The following RAB38 variants were observed in gnomAD, a reference collection of about 807,000 sequenced individuals.
The protein encoded by RAB38 is RAB38, member RAS oncogene family, also known as ras-related protein Rab-38.
Under a neutral mutation model 18.4 loss-of-function variants are expected in RAB38, and 15 were observed. The ratio of observed to expected loss-of-function variants is 0.82; its 90% CI spans 0.55 to 1.26. The LOEUF (loss-of-function observed/expected upper bound fraction) is 1.26, where lower values mean the gene tolerates loss of function less well. Among genes scored for constraint, RAB38 ranks in the 50% most tolerant of loss-of-function variants. The pLI is 0.00. For synonymous variants in RAB38, 101 were observed against 104.4 expected (o/e 0.97, Z 0.20); for missense variants, 294 against 267.4 (o/e 1.10, Z -0.69).
chr11:88,041,695 G>T, the RAB38 span, among the ~76,000 whole-genome samples: 2 of 152,188 alleles, frequency 1.3e-5, no homozygotes, highest in African/African-American at 4.8e-5. Context: ...TACTAAATCT[G>T]AAAATCATGT....
the RAB38 span, among the ~76,000 whole-genome samples, chr11:88,019,863 C>T: frequency 6.6e-6 from 1 of 152,012 alleles, no homozygotes; most frequent in Non-Finnish European, 1.5e-5. Context: ...TTTTTTCGGT[C>T]CTAGAATTAT....
chr11:87,846,328 A>C, the RAB38 span, among the ~76,000 whole-genome samples: 1 of 152,200 alleles, frequency 6.6e-6, no homozygotes, highest in African/African-American at 2.4e-5. Flanking sequence ...AACAAGACTT[A>C]ACTATATGCT....
the RAB38 span, among the ~76,000 whole-genome samples, chr11:88,045,181 A>G: frequency 6.6e-6 from 1 of 152,178 alleles, no homozygotes; most frequent in African/African-American, 2.4e-5. Context: ...CTTATTCTCA[A>G]CATGCATTTT....
chr11:88,126,868 G>C (rs1273712608), intron 2 of RAB38, among the ~76,000 whole-genome samples: 1 of 152,182 alleles, frequency 6.6e-6, no homozygotes, highest in Non-Finnish European at 1.5e-5. Flanking sequence ...TATAAAGTGA[G>C]AGGAGATATA....
intron 2 of RAB38, among the ~76,000 whole-genome samples, chr11:88,128,043 AT>A (rs1942724926): frequency 6.6e-6 from 1 of 152,194 alleles, no homozygotes; most frequent in African/African-American, 2.4e-5. Context: ...GCTGATTCAA[AT>A]TTAAAAAGCA....
the RAB38 span, among the ~76,000 whole-genome samples, chr11:88,037,791 T>C: frequency 6.6e-6 from 1 of 152,264 alleles, no homozygotes; most frequent in African/African-American, 2.4e-5. Context: ...CAGTATTCCA[T>C]TGTAAAGATA....
the RAB38 span, among the ~76,000 whole-genome samples, chr11:87,914,021 G>T: frequency 6.6e-6 from 1 of 152,072 alleles, no homozygotes; most frequent in Admixed American, 6.6e-5. Flanking sequence ...TAGAAAACTG[G>T]TACCAGGAAT....
chr11:88,026,245 G>A, the RAB38 span, among the ~76,000 whole-genome samples: 15 of 152,096 alleles, frequency 9.9e-5, no homozygotes, highest in Non-Finnish European at 2.2e-4. Flanking sequence ...TGTTGGGGAT[G>A]TGGAAGGTAG....
At chr11:87,936,032 A>T in the RAB38 span, among the ~76,000 whole-genome samples, 1 of 152,050 alleles carries the variant, frequency 6.6e-6, no homozygotes, top group Admixed American at 6.6e-5. Context: ...AGTTTTGAGA[A>T]TTCTTTATTA....
intron 2 of RAB38, among the ~76,000 whole-genome samples, chr11:88,134,102 A>G (rs147824186): frequency 1.9e-4 from 29 of 152,326 alleles, no homozygotes; most frequent in Non-Finnish European, 2.5e-4. Flanking sequence ...AGAATCATAC[A>G]TAACTACTTA....
intron 2 of RAB38, among the ~76,000 whole-genome samples, chr11:88,144,219 G>A (rs1267312260): frequency 1.3e-5 from 2 of 152,146 alleles, no homozygotes; most frequent in African/African-American, 4.8e-5. Flanking sequence ...AGTATAACGA[G>A]CTCAAATCAG....
rs397938499 is a variant in RAB38, at chr11:88,147,570, TA to T, written c.483+2104del. 8.2e-3 allele frequency among the ~76,000 whole-genome samples: 1,054 copies of T among 128,366 alleles called. 9 individuals are homozygous for T. The highest frequency in any genetic ancestry group is 0.059 in the South Asian group (236 of 3,968). 84.2% of individuals were successfully genotyped at this position (128,366 alleles called of 152,430 possible). On this transcript the variant is annotated intron_variant, in intron 2 of 2. Transcript: ENST00000243662. Reference sequence around the variant, plus strand: ...AGTGAATTTACCCACATTTTGGAATTAAAAAAAAAAAAAAAACAGCTAACAT... The same window carrying T: ...AGTGAATTTACCCACATTTTGGAATTAAAAAAAAAAAAAAACAGCTAACAT...
intron 1 of RAB38, among the ~76,000 whole-genome samples, chr11:88,152,637 T>C (rs1264220793): frequency 6.6e-6 from 1 of 152,234 alleles, no homozygotes; most frequent in African/African-American, 2.4e-5. Context: ...CCTTCCTTTG[T>C]CAGCTGACAG....
the RAB38 span, among the ~76,000 whole-genome samples, chr11:87,970,998 G>C: frequency 2.0e-5 from 3 of 152,034 alleles, no homozygotes; most frequent in African/African-American, 7.2e-5. Flanking sequence ...AGCACCTGAG[G>C]ATAGGAAGTC....
chr11:88,055,100 G>A, the RAB38 span, among the ~76,000 whole-genome samples: 10 of 152,030 alleles, frequency 6.6e-5, no homozygotes, highest in African/African-American at 1.5e-4. Flanking sequence ...AGCATGATAC[G>A]GTGGCATGTG....
chr11:87,815,993 T>C, the RAB38 span: 1 of 152,312 alleles, frequency 6.6e-6, no homozygotes, highest in Non-Finnish European at 1.5e-5. Flanking sequence ...ATCTGATATA[T>C]AGTGTATGGC....
chr11:87,859,360 A>AT, the RAB38 span, among the ~76,000 whole-genome samples: 30 of 152,120 alleles, frequency 2.0e-4, no homozygotes, highest in Middle Eastern at 6.8e-3. Flanking sequence ...TTGTAAAAAA[A>AT]TGTATGCACT....
the RAB38 span, among the ~76,000 whole-genome samples, chr11:87,867,160 T>A: frequency 6.6e-6 from 1 of 151,788 alleles, no homozygotes; most frequent in Non-Finnish European, 1.5e-5. Context: ...CACTACCACA[T>A]GCTTGGCAGC....
chr11:87,959,283 A>G, the RAB38 span, among the ~76,000 whole-genome samples: 1 of 151,986 alleles, frequency 6.6e-6, no homozygotes, highest in African/African-American at 2.4e-5. Flanking sequence ...GGTAGCCTAA[A>G]CCCTCCATCA....
Sources: allele counts gnomAD v4.1 joint callset (sites outside exome capture counted in the v4.1 genomes callset), GRCh38; gene constraint gnomAD v4.1.1; transcripts MANE v1.5; gene names NCBI Gene and HGNC (gene_info 2026-07-23, HGNC 2026-07-21).